SNX29: variants seen among roughly 807,000 people sequenced by gnomAD.
SNX29 encodes the protein sorting nexin-29.
In SNX29, 78 loss-of-function variants were observed where a neutral mutation model predicts 102.1. The observed-to-expected ratio is 0.76, with a 90% CI of 0.64 to 0.92. SNX29 has a LOEUF of 0.92. SNX29 is among the 40% of genes least tolerant of loss of function. The pLI is 0.00. For synonymous variants in SNX29, 580 were observed against 414.5 expected, an observed-to-expected ratio of 1.40 and a Z score of -4.85; for missense variants, 1,280 against 1,061.7, an observed-to-expected ratio of 1.21 and a Z score of -2.86.
At position 12,426,205 on chromosome 16, in the gene SNX29, T is replaced by C. The variant is rs78792660; in HGVS notation, c.2037+22676T>C. On this transcript the variant is annotated intron_variant, in intron 18 of 20. Coordinates refer to ENST00000566228, the MANE Select transcript of SNX29 (RefSeq NM_032167.5). ...CCTTGGCAGCTTACAACAGTAAGTT[T>C]ATTATTCATCTGTTTCCCACTCATG... Among the ~76,000 whole-genome samples the C allele has an allele frequency of 9.3e-4, 142 of 152,312 alleles. 5 individuals carry two copies. In the East Asian group the frequency reaches 0.027, roughly 29 times the overall value.
chr16:12,155,679 T>C (rs967066101), intron 13 of SNX29, among the ~76,000 whole-genome samples: 13 of 151,856 alleles, frequency 8.6e-5, no homozygotes, highest in Non-Finnish European at 1.6e-4. Context: ...CATGCCGAGA[T>C]GGAAAATGAA....
intron 10 of SNX29, among the ~76,000 whole-genome samples, chr16:12,070,817 C>T (rs1346210884): frequency 1.3e-5 from 2 of 152,176 alleles, no homozygotes; most frequent in Admixed American, 1.3e-4. Context: ...GTTCCTATTT[C>T]TCCACATCCA....
chr16:12,556,379 T>A (rs949633008), intron 20 of SNX29: 1 of 152,192 alleles, frequency 6.6e-6, no homozygotes, highest in Non-Finnish European at 1.5e-5. Flanking sequence ...GTCGTAATTG[T>A]AGGCACTGGC....
intron 15 of SNX29, among the ~76,000 whole-genome samples, chr16:12,298,751 G>A (rs560577055): frequency 6.6e-5 from 10 of 152,272 alleles, no homozygotes; most frequent in African/African-American, 2.4e-4. Context: ...GCCAAGGAAG[G>A]TTAGATGTGG....
intron 19 of SNX29, among the ~76,000 whole-genome samples, chr16:12,483,657 A>C (rs1317816557): frequency 6.6e-6 from 1 of 152,166 alleles, no homozygotes; most frequent in Non-Finnish European, 1.5e-5. Context: ...TGTTTAGGCC[A>C]AGGTAACAAT....
chr16:11,986,856 C>T (rs1337100841), intron 1 of SNX29, among the ~76,000 whole-genome samples: 6 of 152,126 alleles, frequency 3.9e-5, no homozygotes, highest in Non-Finnish European at 7.3e-5. Flanking sequence ...AAGGACGTGG[C>T]TGTGTTCCAA....
chr16:12,462,019 A>ATATATATATATG (rs2086824000), intron 18 of SNX29, among the ~76,000 whole-genome samples: 1 of 71,394 alleles, frequency 1.4e-5, no homozygotes, highest in African/African-American at 5.1e-5. Context: ...ATATGTATAC[A>ATATATATATATG]CACACACACA....
At chr16:12,147,654 C>T (rs549958022) in intron 13 of SNX29, among the ~76,000 whole-genome samples, 27 of 152,334 alleles carry the variant, frequency 1.8e-4, no homozygotes, top group African/African-American at 6.5e-4. Flanking sequence ...GGAGCCGCAG[C>T]CCGTGGCTCA....
intron 18 of SNX29, chr16:12,443,064 A>G (rs1433457652): frequency 2.2e-6 from 1 of 455,800 alleles, no homozygotes; most frequent in Admixed American, 2.4e-5. Flanking sequence ...CCAGGCGTCC[A>G]GCCTGGTTTG....
intron 11 of SNX29, among the ~76,000 whole-genome samples, chr16:12,095,709 T>C (rs2052739179): frequency 6.6e-6 from 1 of 152,220 alleles, no homozygotes; most frequent in South Asian, 2.1e-4. Flanking sequence ...GTTGCCTTCT[T>C]GCCCCTTTTT....
intron 19 of SNX29, among the ~76,000 whole-genome samples, chr16:12,506,432 C>T (rs914613973): frequency 1.3e-5 from 2 of 152,162 alleles, no homozygotes; most frequent in African/African-American, 4.8e-5. Flanking sequence ...TATTCTAGTG[C>T]TCCTGACAAG....
intron 10 of SNX29, among the ~76,000 whole-genome samples, chr16:12,070,747 C>T (rs559827455): frequency 2.8e-4 from 43 of 152,122 alleles, no homozygotes; most frequent in African/African-American, 9.9e-4. Flanking sequence ...CCTGAGGAAT[C>T]GCCACACTGA....
intron 18 of SNX29, among the ~76,000 whole-genome samples, chr16:12,413,955 A>G (rs995623075): frequency 1.3e-5 from 2 of 152,378 alleles, no homozygotes; most frequent in East Asian, 1.9e-4. Flanking sequence ...CAAGTCCCTC[A>G]TATAAAATGC....
Position 12,569,986 on chromosome 16 carries a change from C to T in SNX29, c.*1357C>T. The T allele has an allele frequency of 4.0e-6, 1 of 252,226 alleles. No homozygotes were observed. Among genetic ancestry groups the T allele is most frequent in the Non-Finnish European group, 7.4e-6 (1 of 135,606 alleles). The allele number at this position is 252,226 out of a possible 1,614,324, so 15.6% of individuals were successfully genotyped here. A position where few individuals can be genotyped will look rare whatever the true frequency, so the allele number is the denominator to read the frequency against. ...AAGCCATGGGCTTGTCCTGGAACTG[C>T]TTCAACTCAGTGGCTTAAAATGAGA... is the stretch of plus-strand genomic sequence containing the variant. On this transcript the variant is annotated 3_prime_UTR_variant, in exon 21 of 21. Coordinates refer to ENST00000566228, the MANE Select transcript of SNX29 (RefSeq NM_032167.5).
chr16:12,456,597 CCTGGTAGTGTGTGCAT>C (rs2086550727), intron 18 of SNX29, among the ~76,000 whole-genome samples: 1 of 151,504 alleles, frequency 6.6e-6, no homozygotes, highest in Non-Finnish European at 1.5e-5. Context: ...AGTGTGTGCA[CCTGGTAGTGTGTGCAT>C]GGATGAGCAT....
intron 15 of SNX29, among the ~76,000 whole-genome samples, chr16:12,317,404 AC>A (rs2080785444): frequency 6.6e-6 from 1 of 152,200 alleles, no homozygotes; most frequent in East Asian, 1.9e-4. Context: ...AGCTGTCCTT[AC>A]AATGGGGCTT....
rs2079230791 is a variant in SNX29 at position 12,573,537 on chromosome 16, T to TA, written c.*4910dup. ...CAGGGATTTAGTTCTTACTGGTGCG[T>TA]AAGTGTTTTCCCATCCTAACCGGAA... On this transcript the variant is annotated 3_prime_UTR_variant, in exon 21 of 21. Coordinates refer to ENST00000566228, the MANE Select transcript of SNX29 (RefSeq NM_032167.5). The TA allele has an allele frequency of 4.5e-6, 1 of 224,196 alleles. No homozygotes were observed. Among genetic ancestry groups the TA allele is most frequent in the Non-Finnish European group, 8.9e-6 (1 of 112,394 alleles). 13.9% of individuals were successfully genotyped at this position (224,196 alleles called of 1,614,324 possible).
intron 20 of SNX29, among the ~76,000 whole-genome samples, chr16:12,547,484 A>G (rs55793026): frequency 0.27 from 40,503 of 152,040 alleles, 6,311 homozygotes; most frequent in East Asian, 0.53. Context: ...TCAAAGTAGA[A>G]CTACCAGAAC....
intron 1 of SNX29, among the ~76,000 whole-genome samples, chr16:11,991,915 T>A (rs2055869754): frequency 6.6e-6 from 1 of 152,232 alleles, no homozygotes. Flanking sequence ...AGTTGCCTTG[T>A]CTAGCCCTTG....
Sources: allele counts gnomAD v4.1 joint callset (sites outside exome capture counted in the v4.1 genomes callset), GRCh38; gene constraint gnomAD v4.1.1; transcripts MANE v1.5; gene names NCBI Gene and HGNC (gene_info 2026-07-23, HGNC 2026-07-21).